Variants in SRC observed in about 807,000 individuals in gnomAD.
SRC encodes SRC proto-oncogene, non-receptor tyrosine kinase.
A neutral mutation model predicts 62.9 loss-of-function variants in SRC; 13 were observed. The observed-to-expected ratio is 0.21, with a 90% CI of 0.13 to 0.33. The LOEUF is 0.33. Among genes scored for constraint, SRC ranks in the 10% least tolerant of loss-of-function variants. The probability of loss-of-function intolerance (pLI) is 1.00; values close to 1 mark genes in which losing one functional copy is unlikely to be tolerated. For missense variants in SRC, 457 were observed against 737.3 expected (o/e 0.62, Z 4.40); for synonymous variants, 302 against 317.5 (o/e 0.95, Z 0.52).
rs200185588 is a variant in SRC, at chr20:37,396,150, G to C, written c.554-12G>C. 1.1e-3 allele frequency: 1,756 copies of C among 1,609,764 alleles called. 3 individuals are homozygous for C. Among genetic ancestry groups the C allele is most frequent in the Non-Finnish European group, 1.2e-3 (1,396 of 1,179,392 alleles). On this transcript the variant is annotated splice_polypyrimidine_tract_variant and intron_variant, in intron 7 of 13. Transcript: ENST00000373578. The surrounding 1 kb of genome is among the most constrained non-coding windows in gnomAD (Gnocchi z 6.1). ...GGGCATGGCGGTCACGGCTCCCCTC[G>C]GTGCCCCGCAGGTGCCTACTGCCTC... is the stretch of plus-strand genomic sequence containing the variant.
At position 37,355,407 on chromosome 20, in the gene SRC, C is replaced by T. The variant is rs542603958; in HGVS notation, c.-247+9152C>T. 4.6e-5 allele frequency among the ~76,000 whole-genome samples: 7 copies of T among 152,300 alleles called. No individual in the cohort carries two copies. In the South Asian group the frequency reaches 1.5e-3, roughly 32 times the overall value. On this transcript the variant is annotated intron_variant, in intron 1 of 13. Coordinates refer to ENST00000373578, the MANE Select transcript of SRC (RefSeq NM_198291.3). ...AGCGAGCTCCCCCCTCCGCCCACTC[C>T]ACCCATACCTTAGAGCTGTGGGCAT...
rs556025762 is a variant in SRC, at chr20:37,393,103, C to A, written c.351-792C>A. Among the ~76,000 whole-genome samples, 263 of 152,324 alleles carry A rather than the reference C, an allele frequency of 1.7e-3. 1 individual carries two copies. Among genetic ancestry groups the A allele is most frequent in the Non-Finnish European group, 3.0e-3 (202 of 68,022 alleles). ...CCTGCCCCATCCCCATCACACCCCCCACTCCTTCTCCTCACTTTCGCATAG... is the reference window on the plus strand; with the variant it reads ...CCTGCCCCATCCCCATCACACCCCCAACTCCTTCTCCTCACTTTCGCATAG... On this transcript the variant is annotated intron_variant, in intron 5 of 13. Transcript: ENST00000373578.
chr20:37,373,113 C>CATAT (rs11472640), intron 2 of SRC, among the ~76,000 whole-genome samples: 2 of 150,854 alleles, frequency 1.3e-5, no homozygotes, highest in African/African-American at 4.9e-5. Flanking sequence ...CATATATGTA[C>CATAT]ACACACATAT....
At chr20:37,400,860 C>T (rs2070726131) in intron 10 of SRC, among the ~76,000 whole-genome samples, 1 of 152,182 alleles carries the variant, frequency 6.6e-6, no homozygotes, top group Non-Finnish European at 1.5e-5. Context: ...ATGCCCTTTG[C>T]AGACAGTACC....
chr20:37,373,160 A>G (rs796781008), intron 2 of SRC, among the ~76,000 whole-genome samples: 5 of 151,480 alleles, frequency 3.3e-5, no homozygotes, highest in Admixed American at 6.6e-5. Context: ...ACACACATAC[A>G]CACATATATG....
At position 37,405,427 on chromosome 20, in the gene SRC, A is replaced by G. The variant is rs1028124881; in HGVS notation, c.*2048A>G. 2 of 199,230 alleles carry G rather than the reference A, an allele frequency of 1.0e-5. No homozygotes were observed. Among genetic ancestry groups the G allele is most frequent in the African/African-American group, 2.3e-5 (1 of 43,408 alleles). 12.3% of individuals were successfully genotyped at this position (199,230 alleles called of 1,614,324 possible). ...ACAAACAGACCTCAGAATCTGATCAACAGTTTATTGAACATCTACTGTGTG... is the reference window on the plus strand; with the variant it reads ...ACAAACAGACCTCAGAATCTGATCAGCAGTTTATTGAACATCTACTGTGTG... On this transcript the variant is annotated 3_prime_UTR_variant, in exon 14 of 14. Transcript: ENST00000373578.
At chr20:37,390,357 C>G (rs2147077752) in intron 5 of SRC, among the ~76,000 whole-genome samples, 1 of 143,022 alleles carries the variant, frequency 7.0e-6, no homozygotes, top group South Asian at 2.3e-4. Flanking sequence ...GATCTAACAG[C>G]TGATGCATGT....
At chr20:37,399,014 C>T (rs551673809) in intron 9 of SRC, among the ~76,000 whole-genome samples, 117 of 152,342 alleles carry the variant, frequency 7.7e-4, no homozygotes, top group Non-Finnish European at 1.1e-3. Flanking sequence ...CTGGATTAAA[C>T]ATGCTGGTCT....
chr20:37,380,892 CAA>C (rs1600992193), intron 2 of SRC, among the ~76,000 whole-genome samples: 1 of 151,768 alleles, frequency 6.6e-6, no homozygotes, highest in East Asian at 1.9e-4. Flanking sequence ...TTGTAGTTCT[CAA>C]AGAGTCCACT....
chr20:37,355,295 A>T (rs537076131), intron 1 of SRC, among the ~76,000 whole-genome samples: 6 of 144,978 alleles, frequency 4.1e-5, no homozygotes, highest in Non-Finnish European at 8.9e-5. Flanking sequence ...ACATAGTTCT[A>T]TTTGGGGACA....
In SRC at chr20:37,396,469, C is replaced by G. The variant is rs2070653252; in HGVS notation, c.703+158C>G. The stretch of plus-strand genomic sequence containing the variant: ...CCTTCCTCTCTCCTCCCTTTTCCCT[C>G]CTTTCCTTGTCTCCTTCTTCTTCCT... On this transcript the variant is annotated intron_variant, in intron 8 of 13. Coordinates refer to ENST00000373578, the MANE Select transcript of SRC (RefSeq NM_198291.3). This position sits in a 1 kb window ranked among gnomAD's most constrained non-coding sequence, Gnocchi z 6.1. 1.2e-6 allele frequency: 1 copy of G among 858,658 alleles called. No homozygotes were observed. The highest frequency in any genetic ancestry group is 3.5e-4 in the Middle Eastern group (1 of 2,830). 53.2% of individuals were successfully genotyped at this position (858,658 alleles called of 1,614,324 possible).
rs1208216322 is a variant in SRC, at chr20:37,403,187, G to A, written c.1419G>A (p.Glu473=). ...TGCCCACAGGGATGGTGAACCGCGA[G>A]GTGCTGGACCAGGTGGAGCGGGGCT... The part of the protein sequence containing the change: ...RVPYPGMVNR[E]VLDQVERGYR... Residue 473 remains glutamate, a synonymous_variant, in exon 14 of 14, where the codon GAG becomes GAA. Coordinates refer to ENST00000373578, the MANE Select transcript of SRC (RefSeq NM_198291.3). This position sits in a 1 kb window ranked among gnomAD's most constrained non-coding sequence, Gnocchi z 7.1. The A allele has an allele frequency of 1.3e-6, 2 of 1,550,670 alleles. No homozygotes were observed. Among genetic ancestry groups the A allele is most frequent in the Admixed American group, 1.9e-5 (1 of 52,604 alleles).
chr20:37,382,302 G>A (rs1302541136), intron 2 of SRC, among the ~76,000 whole-genome samples: 4 of 152,142 alleles, frequency 2.6e-5, no homozygotes, highest in African/African-American at 9.7e-5. Context: ...ATGAGGAAAC[G>A]GCACAGAGAG....
rs905378098 is a variant in SRC, at chr20:37,405,285, G to C, written c.*1906G>C. On this transcript the variant is annotated 3_prime_UTR_variant, in exon 14 of 14. Transcript: ENST00000373578. ...TTTCAGATGACTATGCAGAGGCCTG[G>C]GGGACCCCTGGCTCTGGGCCGGGCC... 4.5e-6 allele frequency: 1 copy of C among 220,348 alleles called. No individual in the cohort carries two copies. Among genetic ancestry groups the C allele is most frequent in the African/African-American group, 2.3e-5 (1 of 43,502 alleles). The allele number at this position is 220,348 out of a possible 1,614,324, so 13.6% of individuals were successfully genotyped here.
chr20:37,380,554 C>T (rs1218327481), intron 2 of SRC, among the ~76,000 whole-genome samples: 1 of 152,238 alleles, frequency 6.6e-6, no homozygotes, highest in Non-Finnish European at 1.5e-5. Flanking sequence ...GATATTTAGT[C>T]TTTTCAGTGT....
At position 37,403,205 on chromosome 20, in the gene SRC, G is replaced by A; in HGVS notation, c.1437G>A (p.Glu479=). Residue 479 remains glutamate (E), a synonymous_variant, in exon 14 of 14, where the codon GAG becomes GAA. Coordinates refer to ENST00000373578, the MANE Select transcript of SRC (RefSeq NM_198291.3). The surrounding 1 kb of genome is among the most constrained non-coding windows in gnomAD (Gnocchi z 7.1). ...ACCGCGAGGTGCTGGACCAGGTGGAGCGGGGCTACCGGATGCCCTGCCCGC... is the reference window on the plus strand; with the variant it reads ...ACCGCGAGGTGCTGGACCAGGTGGAACGGGGCTACCGGATGCCCTGCCCGC... ...MVNREVLDQV[E]RGYRMPCPPE... 6.4e-7 allele frequency: 1 copy of A among 1,564,098 alleles called. No individual in the cohort carries two copies. Among genetic ancestry groups the A allele is most frequent in the African/African-American group, 1.4e-5 (1 of 73,988 alleles).
Position 37,404,099 on chromosome 20 carries a change from C to G in SRC, c.*720C>G. ...ACATGCCCAAGGCCACGGAGCAGTTCAGAGTGGAGGCGGGCTTGGAACCCG... is the reference window on the plus strand; with the variant it reads ...ACATGCCCAAGGCCACGGAGCAGTTGAGAGTGGAGGCGGGCTTGGAACCCG... On this transcript the variant is annotated 3_prime_UTR_variant, in exon 14 of 14. Coordinates refer to ENST00000373578, the MANE Select transcript of SRC (RefSeq NM_198291.3). The G allele has an allele frequency of 4.3e-6, 1 of 233,904 alleles. No homozygotes were observed. Among genetic ancestry groups the G allele is most frequent in the Non-Finnish European group, 8.5e-6 (1 of 118,178 alleles). The allele number at this position is 233,904 out of a possible 1,614,324, so 14.5% of individuals were successfully genotyped here.
chr20:37,380,768 T>G (rs147314114), intron 2 of SRC, among the ~76,000 whole-genome samples: 149 of 152,320 alleles, frequency 9.8e-4, no homozygotes, highest in African/African-American at 3.5e-3. Flanking sequence ...TTGACCGTCT[T>G]GCGTTGCTGT....
intron 10 of SRC, 85 bp downstream of exon 10, chr20:37,400,379 A>G (rs2070720072): frequency 1.6e-6 from 2 of 1,278,934 alleles, no homozygotes; most frequent in South Asian, 3.2e-5. Flanking sequence ...CATGTCTAGA[A>G]TGGGCATCTT....
Sources: gnomAD v4.1 joint callset for allele counts (sites outside exome capture counted in the v4.1 genomes callset) on GRCh38, gnomAD v4.1.1 for gene constraint, Gnocchi (gnomAD v3.1) non-coding constraint, MANE v1.5 for transcripts, NCBI Gene and HGNC (gene_info 2026-07-23, HGNC 2026-07-21) for gene names.